Variants in RYR2 observed in about 807,000 individuals in gnomAD.
RYR2 encodes the protein ryanodine receptor 2, also known as cardiac muscle ryanodine receptor-calcium release channel.
A neutral mutation model predicts 601.1 loss-of-function variants in RYR2; 227 were observed. The observed-to-expected ratio is 0.38, with a 90% confidence interval of 0.34 to 0.42. RYR2 has a LOEUF of 0.42. Among genes scored for constraint, RYR2 ranks in the 10% least tolerant of loss-of-function variants. The pLI is 1.00. For synonymous variants in RYR2, 2,223 were observed against 2,175.1 expected, an observed-to-expected ratio of 1.02 and a Z score of -0.61; for missense variants, 4,646 against 6,156.5, an observed-to-expected ratio of 0.75 and a Z score of 8.21.
intron 63 of RYR2, among the ~76,000 whole-genome samples, chr1:237,693,874 A>G (rs1687163994): frequency 6.6e-6 from 1 of 152,244 alleles, no homozygotes; most frequent in South Asian, 2.1e-4. Context: ...CTCTCCCAAA[A>G]AACACTGACG....
At chr1:237,550,237 C>G (rs1368085107) in intron 26 of RYR2, among the ~76,000 whole-genome samples, 2 of 152,216 alleles carry the variant, frequency 1.3e-5, no homozygotes, top group Non-Finnish European at 1.5e-5. Flanking sequence ...GTTATATGTT[C>G]TCTAAGTTTG....
chr1:237,687,775 T>TGTGCC, intron 63 of RYR2, among the ~76,000 whole-genome samples: 1 of 152,374 alleles, frequency 6.6e-6, no homozygotes, highest in South Asian at 2.1e-4. Context: ...AATGGCAGGC[T>TGTGCC]GTGCCGTATT....
intron 91 of RYR2, 48 bp downstream of exon 91, chr1:237,786,084 C>A: frequency 8.4e-7 from 1 of 1,185,828 alleles, no homozygotes; most frequent in Non-Finnish European, 1.2e-6. Flanking sequence ...TTTGTCATTA[C>A]ATCTCTTTTT....
chr1:237,492,824 A>AAAAGGAAGGAAGGAAGGAAGGAAGG (rs1663519452), intron 18 of RYR2, 130 bp from the exon 19 acceptor site: 1 of 753,676 alleles, frequency 1.3e-6, no homozygotes, highest in African/African-American at 2.4e-5. Context: ...ATGCTGTCTG[A>AAAAGGAAGGAAGGAAGGAAGGAAGG]AAGGAAGGAA....
intron 20 of RYR2, among the ~76,000 whole-genome samples, chr1:237,497,468 G>C (rs1053813978): frequency 8.5e-5 from 13 of 152,162 alleles, no homozygotes; most frequent in Non-Finnish European, 1.5e-4. Context: ...TGATTATGTA[G>C]ATTTTTTAGA....
In RYR2 at chr1:237,295,014, T is replaced by C. The variant is rs561982358; in HGVS notation, c.168+24398T>C. Among the ~76,000 whole-genome samples the C allele has an allele frequency of 9.2e-5, 14 of 152,104 alleles. No individual in the cohort carries two copies. The South Asian group carries it at 2.9e-3, about 32-fold the overall frequency. On this transcript the variant is annotated intron_variant, in intron 2 of 104. Coordinates refer to ENST00000366574, the MANE Select transcript of RYR2 (RefSeq NM_001035.3). ...GGATTGCTTGAGGCTAGGAGTTCAA[T>C]ACCAGCCTGGGTAACATGGCAAAAC...
Position 237,441,589 on chromosome 1 carries a change from A to G in RYR2, c.1170+106A>G, listed in dbSNP as rs1707907724. On this transcript the variant is annotated intron_variant, in intron 13 of 104. Coordinates refer to ENST00000366574, the MANE Select transcript of RYR2 (RefSeq NM_001035.3). ...TCTTTTTAGTCACCTGCAAAAGTTCATAATTTTGCAAGTGAAAGGGCAGAT... is the reference window on the plus strand; with the variant it reads ...TCTTTTTAGTCACCTGCAAAAGTTCGTAATTTTGCAAGTGAAAGGGCAGAT... The G allele has an allele frequency of 6.4e-6, 7 of 1,095,072 alleles. No homozygotes were observed. The South Asian group carries it at 6.7e-5, about 11-fold the overall frequency. The allele number at this position is 1,095,072 out of a possible 1,614,324, so 67.8% of individuals were successfully genotyped here. A position where few individuals can be genotyped will look rare whatever the true frequency, so the allele number is the denominator to read the frequency against.
chr1:237,261,148 G>A (rs1688472439), intron 1 of RYR2, among the ~76,000 whole-genome samples: 1 of 152,158 alleles, frequency 6.6e-6, no homozygotes, highest in South Asian at 2.1e-4. Context: ...CAACATAACT[G>A]GAACTTGATA....
At chr1:237,123,585 T>G (rs973555142) in intron 1 of RYR2, among the ~76,000 whole-genome samples, 1 of 150,736 alleles carries the variant, frequency 6.6e-6, no homozygotes, top group Non-Finnish European at 1.5e-5. Context: ...GGGCCCTCTC[T>G]CTTAACAACA....
chr1:237,251,795 T>C (rs1687489809), intron 1 of RYR2, among the ~76,000 whole-genome samples: 1 of 152,160 alleles, frequency 6.6e-6, no homozygotes, highest in Non-Finnish European at 1.5e-5. Flanking sequence ...ACCTAACTCA[T>C]CTGAAGTTGG....
rs193198399 is a variant in RYR2, at chr1:237,426,530, C to T, written c.1005+3282C>T. 1.0e-3 allele frequency among the ~76,000 whole-genome samples: 155 copies of T among 152,168 alleles called. 1 individual carries two copies. The highest frequency in any genetic ancestry group is 3.5e-3 in the African/African-American group (146 of 41,520). ...CCGTCCAGAAAGAAAAAAGTTCAAC[C>T]CACTAAAGAAGAACCAATTATTTGA... is the stretch of plus-strand genomic sequence containing the variant. On this transcript the variant is annotated intron_variant, in intron 12 of 104. Transcript: ENST00000366574.
chr1:237,506,766 T>A lies in RYR2; in HGVS notation c.2670T>A (p.His890Gln). The change falls in exon 23 of 105, where the codon CAT (histidine) becomes CAA (glutamine). Residue 890 changes from histidine (H) to glutamine (Q), a missense_variant. His to Gln is a conservative substitution (Grantham distance 24). This residue lies in a region of RYR2 where 1,807 missense variants were observed against 2,088.1 expected (regional missense o/e 0.87). Coordinates refer to ENST00000366574, the MANE Select transcript of RYR2 (RefSeq NM_001035.3). Reference protein sequence around the residue: ...RIREKLAENIHELWVMNKIEL... With the variant: ...RIREKLAENIQELWVMNKIEL... ...GAGAAAAACTGGCAGAGAATATCCA[T>A]GAACTCTGGGTTATGAATAAAATTG... 6.2e-7 allele frequency: 1 copy of A among 1,613,828 alleles called. No homozygotes were observed. The highest frequency in any genetic ancestry group is 8.5e-7 in the Non-Finnish European group (1 of 1,179,800).
chr1:237,705,160 T>G, intron 66 of RYR2, 53 bp from the exon 67 acceptor site: 1 of 1,533,342 alleles, frequency 6.5e-7, no homozygotes. Context: ...TAATATGACT[T>G]TTTTAGTTAC....
At chr1:237,772,444 A>C (rs1694342952) in intron 86 of RYR2, among the ~76,000 whole-genome samples, 1 of 152,180 alleles carries the variant, frequency 6.6e-6, no homozygotes, top group Non-Finnish European at 1.5e-5. Context: ...TATTTGGAAC[A>C]TTTGTAGGAA....
Position 237,793,949 on chromosome 1 carries a change from C to A in RYR2, c.13865C>A (p.Ser4622Ter). 6.2e-7 allele frequency: 1 copy of A among 1,611,400 alleles called. No individual in the cohort carries two copies. The highest frequency in any genetic ancestry group is 8.5e-7 in the Non-Finnish European group (1 of 1,177,750). The change falls in exon 95 of 105, where the codon TCA becomes TAA. Residue 4622 changes from serine (S) to a stop codon, truncating the protein, a stop_gained. Coordinates refer to ENST00000366574, the MANE Select transcript of RYR2 (RefSeq NM_001035.3). LOFTEE classifies it high-confidence loss of function. ...FDGLYITEQP[S>*]EDDIKGQWDR... is the part of the protein sequence containing the mutation. ...GGGCTTTATATTACAGAACAGCCTT[C>A]AGAAGATGATATTAAAGGCCAGTGG...
At chr1:237,226,173 A>G (rs923781792) in intron 1 of RYR2, among the ~76,000 whole-genome samples, 15 of 152,234 alleles carry the variant, frequency 9.9e-5, no homozygotes, top group African/African-American at 3.4e-4. Flanking sequence ...AATGATGTTC[A>G]GGAACGGTTT....
rs1281162341 is a variant in RYR2, at chr1:237,100,987, G to A, written c.48+58418G>A. Among the ~76,000 whole-genome samples the A allele has an allele frequency of 3.3e-5, 5 of 151,814 alleles. No individual in the cohort carries two copies. The East Asian group carries it at 9.7e-4, about 30-fold the overall frequency. ...GATGTTGGGATGGCTTGTCTTTGCC[G>A]CCTCACTTCCTAAGCTGACAGACGT... On this transcript the variant is annotated intron_variant, in intron 1 of 104. Transcript: ENST00000366574.
intron 35 of RYR2, among the ~76,000 whole-genome samples, 157 bp downstream of exon 35, chr1:237,602,268 C>A (rs1012329179): frequency 2.0e-5 from 3 of 151,884 alleles, no homozygotes; most frequent in African/African-American, 7.3e-5. Flanking sequence ...TCTTTCAGGT[C>A]ACAAGGGTAA....
At chr1:237,700,749 A>G (rs1164529963) in intron 65 of RYR2, among the ~76,000 whole-genome samples, 2 of 152,178 alleles carry the variant, frequency 1.3e-5, no homozygotes, top group Non-Finnish European at 2.9e-5. Context: ...CTATTTCTAC[A>G]TTGCCTCTTT....
Sources: gnomAD v4.1 joint callset for allele counts (sites outside exome capture counted in the v4.1 genomes callset) on GRCh38, gnomAD v4.1.1 for gene constraint, gnomAD v4.1.1 regional missense constraint, MANE v1.5 for transcripts, NCBI Gene and HGNC (gene_info 2026-07-23, HGNC 2026-07-21) for gene names.